The following PYROXD2 variants were observed in gnomAD, a reference collection of about 807,000 sequenced individuals.
The protein encoded by PYROXD2 is pyridine nucleotide-disulfide oxidoreductase domain-containing protein 2.
A neutral mutation model predicts 71.1 loss-of-function variants in PYROXD2; 69 were observed. The ratio of observed to expected loss-of-function variants is 0.97; its 90% CI spans 0.80 to 1.19. The LOEUF is 1.19. Among genes scored for constraint, PYROXD2 ranks in the 50% most tolerant of loss-of-function variants. The pLI is 0.00. For synonymous variants in PYROXD2, 287 were observed against 302.7 expected (o/e 0.95, Z 0.54); for missense variants, 745 against 748.9 (o/e 0.99, Z 0.06).
In PYROXD2 at chr10:98,400,100, A is replaced by G; in HGVS notation, c.471+2T>C. On this transcript the variant is annotated splice_donor_variant, in intron 5 of 15. Transcript: ENST00000370575. LOFTEE classifies it high-confidence loss of function. ...AGCTCAGTCACTGGTCGCCTTCCCT[A>G]CCTGGGCATCCTTCTGGGAGAACTG... 6.2e-7 allele frequency: 1 copy of G among 1,612,412 alleles called. No individual in the cohort carries two copies. Among genetic ancestry groups the G allele is most frequent in the Non-Finnish European group, 8.5e-7 (1 of 1,179,220 alleles).
intron 6 of PYROXD2, among the ~76,000 whole-genome samples, chr10:98,397,029 C>T (rs927794419): frequency 6.6e-6 from 1 of 152,168 alleles, no homozygotes; most frequent in African/African-American, 2.4e-5. Context: ...CTGGCTAGTG[C>T]GATCACACAC....
At chr10:98,394,863 G>A (rs558193526) in intron 8 of PYROXD2, among the ~76,000 whole-genome samples, 1 of 152,132 alleles carries the variant, frequency 6.6e-6, no homozygotes, top group African/African-American at 2.4e-5. Context: ...GCTATCAAGC[G>A]GGAGGTGGGA....
chr10:98,405,508 T>A (rs1481640898), intron 4 of PYROXD2, among the ~76,000 whole-genome samples: 1 of 152,228 alleles, frequency 6.6e-6, no homozygotes, highest in Non-Finnish European at 1.5e-5. Context: ...TACTGAGCCC[T>A]CTGTGCACCA....
At position 98,410,918 on chromosome 10, in the gene PYROXD2, A is replaced by G. The variant is rs750697924; in HGVS notation, c.147+21T>C. On this transcript the variant is annotated intron_variant, in intron 2 of 15. Transcript: ENST00000370575. Reference sequence around the variant, plus strand: ...ACACGCCCAGGGCCAGTGAAGTGGGATCAAGTGGGGAGGTACTCACAGCCA... The same window carrying G: ...ACACGCCCAGGGCCAGTGAAGTGGGGTCAAGTGGGGAGGTACTCACAGCCA... 3.2e-6 allele frequency: 5 copies of G among 1,561,286 alleles called. No individual in the cohort carries two copies. In the South Asian group the frequency reaches 3.5e-5, roughly 11 times the overall value.
intron 4 of PYROXD2, among the ~76,000 whole-genome samples, chr10:98,406,812 A>C (rs1455761085): frequency 6.6e-6 from 1 of 150,658 alleles, no homozygotes; most frequent in Non-Finnish European, 1.5e-5. Context: ...GAATGGCATG[A>C]ACCCGGGAGG....
intron 11 of PYROXD2, 117 bp downstream of exon 11, chr10:98,390,893 A>T: frequency 7.4e-7 from 1 of 1,351,656 alleles, no homozygotes. Flanking sequence ...CTGCAGGGGG[A>T]CACAGGCTGG....
chr10:98,383,680 T>G lies in PYROXD2; in HGVS notation c.*118A>C. 1 of 806,408 alleles carries G rather than the reference T, an allele frequency of 1.2e-6. No individual in the cohort carries two copies. Among genetic ancestry groups the G allele is most frequent in the South Asian group, 1.5e-5 (1 of 67,682 alleles). 50.0% of individuals were successfully genotyped at this position (806,408 alleles called of 1,614,324 possible). Reference sequence around the variant, plus strand: ...GTACGTTTTTTCTAAAATAATTTCTTGAGCATTGTGGTGGCCTTATGTACT... The same window carrying G: ...GTACGTTTTTTCTAAAATAATTTCTGGAGCATTGTGGTGGCCTTATGTACT... On this transcript the variant is annotated 3_prime_UTR_variant, in exon 16 of 16. Transcript: ENST00000370575.
intron 10 of PYROXD2, among the ~76,000 whole-genome samples, chr10:98,392,015 A>G (rs1842960432): frequency 6.6e-6 from 1 of 152,222 alleles, no homozygotes; most frequent in African/African-American, 2.4e-5. Context: ...TCTGGGTGCC[A>G]GTATTTCTTG....
At chr10:98,384,603 G>C (rs1304624016) in intron 15 of PYROXD2, among the ~76,000 whole-genome samples, 2 of 152,160 alleles carry the variant, frequency 1.3e-5, no homozygotes, top group Non-Finnish European at 2.9e-5. Flanking sequence ...AGGCGATAGC[G>C]TGAAGCCCTG....
chr10:98,406,036 G>A (rs1425058247), intron 4 of PYROXD2, among the ~76,000 whole-genome samples: 1 of 152,178 alleles, frequency 6.6e-6, no homozygotes, highest in African/African-American at 2.4e-5. Context: ...GAGTTTAGTT[G>A]TCCTCCTGTC....
rs1223492680 is a variant in PYROXD2, at chr10:98,393,051, A to AG, written c.817dup (p.Leu273ProfsTer20). 1.3e-6 allele frequency: 2 copies of AG among 1,591,766 alleles called. No homozygotes were observed. On this transcript the variant is annotated frameshift_variant, in exon 9 of 16. Transcript: ENST00000370575. LOFTEE classifies it high-confidence loss of function. ...GCCCCAGGCCCCCTGCATTCCCTCCAGGCCCCCCATCACATGGTGCAGCAG... is the reference window on the plus strand; with the variant it reads ...GCCCCAGGCCCCCTGCATTCCCTCCAGGGCCCCCCATCACATGGTGCAGCAG...
At chr10:98,392,888 G>T in intron 9 of PYROXD2, 54 bp downstream of exon 9, 1 of 1,576,298 alleles carries the variant, frequency 6.3e-7, no homozygotes, top group Non-Finnish European at 8.7e-7. Context: ...CTGAGACTTT[G>T]TTCTGTCCTG....
Position 98,397,483 on chromosome 10 carries a change from C to T in PYROXD2, c.487G>A (p.Glu163Lys), listed in dbSNP as rs1843230295. ...QKDAQVFPKY[E>K]EFMHRLALAI... ...AATGCCAAGCGATGCATGAACTCCTCATATTTGGGAAAGACCTGGAACAGA... is the reference window on the plus strand; with the variant it reads ...AATGCCAAGCGATGCATGAACTCCTTATATTTGGGAAAGACCTGGAACAGA... Residue 163 changes from glutamate (E) to lysine (K), a missense_variant, in exon 6 of 16, where the codon GAG (glutamate) becomes AAG (lysine). By Grantham distance (56) the Glu-to-Lys change is moderately conservative. Coordinates refer to ENST00000370575, the MANE Select transcript of PYROXD2 (RefSeq NM_032709.3). 4 of 1,604,916 alleles carry T rather than the reference C, an allele frequency of 2.5e-6. No homozygotes were observed. The highest frequency in any genetic ancestry group is 3.4e-6 in the Non-Finnish European group (4 of 1,173,694).
Position 98,390,585 on chromosome 10 carries a change from C to T in PYROXD2, c.1292+13G>A. The stretch of plus-strand genomic sequence containing the variant: ...GGAAGAACATCAGGGAACATAAAGT[C>T]CAGGGCCCCTACCTGTGGGAAGGCA... On this transcript the variant is annotated intron_variant, in intron 12 of 15. Coordinates refer to ENST00000370575, the MANE Select transcript of PYROXD2 (RefSeq NM_032709.3). 2 of 1,569,062 alleles carry T rather than the reference C, an allele frequency of 1.3e-6. No individual in the cohort carries two copies. The highest frequency in any genetic ancestry group is 1.7e-6 in the Non-Finnish European group (2 of 1,157,766).
chr10:98,399,960 A>G, intron 5 of PYROXD2, 142 bp downstream of exon 5: 1 of 988,672 alleles, frequency 1.0e-6, no homozygotes. Flanking sequence ...AAGAGCTGCC[A>G]CCAACTGGAG....
At chr10:98,388,624 G>C in intron 12 of PYROXD2, 116 bp from the exon 13 acceptor site, 1 of 1,158,060 alleles carries the variant, frequency 8.6e-7, no homozygotes, top group Non-Finnish European at 1.2e-6. Flanking sequence ...CTGGGCGATT[G>C]TCGCTCTACA....
At chr10:98,409,947 G>A (rs1223227900) in intron 2 of PYROXD2, among the ~76,000 whole-genome samples, 5 of 152,002 alleles carry the variant, frequency 3.3e-5, no homozygotes, top group African/African-American at 7.3e-5. Context: ...GCATGATGGC[G>A]GCTGCCTGCA....
chr10:98,404,568 A>AC (rs1379326045), intron 4 of PYROXD2, among the ~76,000 whole-genome samples: 1 of 151,924 alleles, frequency 6.6e-6, no homozygotes, highest in Non-Finnish European at 1.5e-5. Flanking sequence ...CAGAAAAAAA[A>AC]CCCAAAAAAA....
intron 6 of PYROXD2, among the ~76,000 whole-genome samples, chr10:98,397,063 C>T (rs1843211437): frequency 6.6e-6 from 1 of 152,174 alleles, no homozygotes; most frequent in African/African-American, 2.4e-5. Context: ...CTTTCTCTGT[C>T]CACTTTCACC....
Sources: gnomAD v4.1 joint callset for allele counts (sites outside exome capture counted in the v4.1 genomes callset) on GRCh38, gnomAD v4.1.1 for gene constraint, MANE v1.5 for transcripts, NCBI Gene and HGNC (gene_info 2026-07-23, HGNC 2026-07-21) for gene names.